Variants in CTNNA2 observed in about 807,000 individuals in gnomAD.
The protein encoded by CTNNA2 is catenin alpha-2.
A neutral mutation model predicts 101.0 loss-of-function variants in CTNNA2; 42 were observed. That is an observed-to-expected ratio of 0.42 (90% CI 0.32 to 0.54). The LOEUF is 0.54. Ranked by LOEUF, CTNNA2 falls within the 20% of genes least tolerant of loss-of-function variation. The pLI is 0.14. For synonymous variants in CTNNA2, 450 were observed against 456.4 expected (o/e 0.99, Z 0.18); for missense variants, 871 against 1,223.1 (o/e 0.71, Z 4.29).
chr2:79,195,724 T>A, intron 1 of CTNNA2: 1 of 439,998 alleles, frequency 2.3e-6, no homozygotes, highest in Non-Finnish European at 4.5e-6. Flanking sequence ...CATACCTGAG[T>A]GAGACACAGA....
intron 4 of CTNNA2, among the ~76,000 whole-genome samples, chr2:79,465,389 T>A (rs1381314154): frequency 6.6e-6 from 1 of 152,212 alleles, no homozygotes; most frequent in Non-Finnish European, 1.5e-5. Flanking sequence ...TACTTAGCCT[T>A]GTAGTATAGT....
At chr2:80,329,583 T>C (rs1056137897) in intron 7 of CTNNA2, among the ~76,000 whole-genome samples, 5 of 152,088 alleles carry the variant, frequency 3.3e-5, no homozygotes, top group Non-Finnish European at 7.4e-5. Context: ...AAGGGCTGTG[T>C]TAGGATGCGG....
At chr2:79,597,547 G>C (rs980032334) in intron 1 of CTNNA2, among the ~76,000 whole-genome samples, 8 of 152,056 alleles carry the variant, frequency 5.3e-5, no homozygotes, top group Admixed American at 5.2e-4. Context: ...GACTGTGGCC[G>C]TGATAGATCT....
intron 3 of CTNNA2, among the ~76,000 whole-genome samples, chr2:79,761,391 TA>T (rs1672779433): frequency 6.6e-6 from 1 of 152,218 alleles, no homozygotes. Flanking sequence ...TGAATTTCTA[TA>T]AATAACTAAT....
chr2:80,585,620 G>T (rs1237231300), intron 14 of CTNNA2, among the ~76,000 whole-genome samples: 1 of 152,102 alleles, frequency 6.6e-6, no homozygotes, highest in African/African-American at 2.4e-5. Flanking sequence ...TATTGAGTTT[G>T]ATTTCAATGT....
intron 8 of CTNNA2, among the ~76,000 whole-genome samples, chr2:80,418,236 G>A (rs1227286850): frequency 6.6e-6 from 1 of 152,132 alleles, no homozygotes; most frequent in African/African-American, 2.4e-5. Context: ...ACTTTTTAAA[G>A]TCCCAGCTTC....
At chr2:79,654,194 C>A (rs1241446025) in intron 2 of CTNNA2, among the ~76,000 whole-genome samples, 3 of 152,168 alleles carry the variant, frequency 2.0e-5, no homozygotes, top group African/African-American at 7.2e-5. Context: ...TTTCTCATTA[C>A]CAATTCCAAA....
rs199755084 is a variant in CTNNA2, at chr2:79,867,384, ATCTG to A, written c.466-2428_466-2425del. Among the ~76,000 whole-genome samples, 673 of 152,070 alleles carry A rather than the reference ATCTG, an allele frequency of 4.4e-3. 6 individuals carry two copies. Among genetic ancestry groups the A allele is most frequent in the African/African-American group, 0.015 (631 of 41,454 alleles). On this transcript the variant is annotated intron_variant, in intron 4 of 18. Transcript: ENST00000402739. ...CATCCATCAATCATCTATCTAATCT[ATCTG>A]TCTATCTATCCTATCCATCCATCCA...
chr2:79,471,924 A>T (rs1671003630), intron 4 of CTNNA2, among the ~76,000 whole-genome samples: 1 of 152,168 alleles, frequency 6.6e-6, no homozygotes, highest in Non-Finnish European at 1.5e-5. Context: ...CTTAAAATTC[A>T]TGTTCTTCTT....
chr2:79,217,495 G>C (rs765470940), intron 2 of CTNNA2, among the ~76,000 whole-genome samples: 3 of 152,132 alleles, frequency 2.0e-5, no homozygotes, highest in Non-Finnish European at 4.4e-5. Flanking sequence ...TCTCTGGCGG[G>C]CAGGAGTGGG....
intron 2 of CTNNA2, among the ~76,000 whole-genome samples, chr2:79,225,839 G>T (rs1370980256): frequency 6.6e-6 from 1 of 152,154 alleles, no homozygotes; most frequent in Non-Finnish European, 1.5e-5. Context: ...ATTTGTTAAG[G>T]CTTTTATTGA....
At chr2:80,451,802 C>G (rs1329404407) in intron 9 of CTNNA2, among the ~76,000 whole-genome samples, 1 of 152,052 alleles carries the variant, frequency 6.6e-6, no homozygotes, top group Non-Finnish European at 1.5e-5. Context: ...TTATTACAAT[C>G]CAACATTCAA....
chr2:79,211,731 G>C (rs77798687), intron 2 of CTNNA2, among the ~76,000 whole-genome samples: 1 of 152,182 alleles, frequency 6.6e-6, no homozygotes, highest in Non-Finnish European at 1.5e-5. Flanking sequence ...GGATATGATG[G>C]CTTAGCTTGG....
At chr2:79,894,467 T>A (rs556982939) in intron 6 of CTNNA2, among the ~76,000 whole-genome samples, 1 of 152,162 alleles carries the variant, frequency 6.6e-6, no homozygotes, top group South Asian at 2.1e-4. Flanking sequence ...CAGTACCAAA[T>A]CGTTTCCGTA....
chr2:79,792,343 T>TA (rs1395240203), intron 3 of CTNNA2, among the ~76,000 whole-genome samples: 2 of 152,176 alleles, frequency 1.3e-5, no homozygotes, highest in African/African-American at 2.4e-5. Flanking sequence ...TTGCTATCCA[T>TA]AAAAAACAGT....
At chr2:79,297,371 A>G (rs1444197761) in intron 2 of CTNNA2, among the ~76,000 whole-genome samples, 1 of 152,176 alleles carries the variant, frequency 6.6e-6, no homozygotes, top group Non-Finnish European at 1.5e-5. Flanking sequence ...CCATCTGGCC[A>G]AAACATCCTT....
chr2:80,430,103 A>G (rs1681356164), intron 9 of CTNNA2, among the ~76,000 whole-genome samples: 1 of 152,162 alleles, frequency 6.6e-6, no homozygotes, highest in Non-Finnish European at 1.5e-5. Flanking sequence ...AAATCTTTAT[A>G]CCCAGCCCTC....
chr2:79,203,664 T>A (rs1441328753), intron 2 of CTNNA2, among the ~76,000 whole-genome samples: 1 of 152,158 alleles, frequency 6.6e-6, no homozygotes. Context: ...ACATAACATA[T>A]CCAAAAATTC....
At chr2:79,936,321 A>G (rs1687787114) in intron 7 of CTNNA2, among the ~76,000 whole-genome samples, 1 of 151,940 alleles carries the variant, frequency 6.6e-6, no homozygotes, top group Non-Finnish European at 1.5e-5. Context: ...ATAAAGGTAC[A>G]AAGTTTATCT....
Sources: allele counts gnomAD v4.1 joint callset (sites outside exome capture counted in the v4.1 genomes callset), GRCh38; gene constraint gnomAD v4.1.1; transcripts MANE v1.5; gene names NCBI Gene and HGNC (gene_info 2026-07-23, HGNC 2026-07-21).